The following SPESP1 variants were observed in gnomAD, a reference collection of about 807,000 sequenced individuals.
SPESP1 encodes the protein sperm equatorial segment protein 1, also known as equatorial segment protein.
In SPESP1, 1 loss-of-function variant was observed where a neutral mutation model predicts 3.1. The ratio of observed to expected loss-of-function variants is 0.33; its 90% confidence interval spans 0.12 to 1.54. SPESP1 has a LOEUF of 1.54. SPESP1 is among the 40% of genes most tolerant of loss of function. The probability of loss-of-function intolerance (pLI) is 0.38; values close to 1 mark genes in which losing one functional copy is unlikely to be tolerated. For missense variants in SPESP1, 398 were observed against 410.1 expected (o/e 0.97, Z 0.26); for synonymous variants, 138 against 150.7 (o/e 0.92, Z 0.62).
chr15:68,944,100 A>G (rs1335262635), intron 1 of SPESP1, among the ~76,000 whole-genome samples: 1 of 152,166 alleles, frequency 6.6e-6, no homozygotes, highest in Non-Finnish European at 1.5e-5. Flanking sequence ...ACTTCCCTGA[A>G]TTAAATCAAT....
At chr15:68,937,673 A>T (rs1207030203) in intron 1 of SPESP1, among the ~76,000 whole-genome samples, 1 of 151,984 alleles carries the variant, frequency 6.6e-6, no homozygotes, top group African/African-American at 2.4e-5. Context: ...GGTATAGGGG[A>T]TATGGGAAAT....
At chr15:68,931,605 C>T (rs567569689) in intron 1 of SPESP1, among the ~76,000 whole-genome samples, 2 of 152,290 alleles carry the variant, frequency 1.3e-5, no homozygotes, top group Admixed American at 6.5e-5. Context: ...AGCATGCTTG[C>T]GCACACGGCA....
At chr15:68,932,243 T>C (rs1895562732) in intron 1 of SPESP1, among the ~76,000 whole-genome samples, 1 of 152,174 alleles carries the variant, frequency 6.6e-6, no homozygotes, top group African/African-American at 2.4e-5. Context: ...GACTAACATA[T>C]ATGGAGACTT....
chr15:68,939,096 G>C (rs1315602570), intron 1 of SPESP1, among the ~76,000 whole-genome samples: 1 of 152,070 alleles, frequency 6.6e-6, no homozygotes, highest in African/African-American at 2.4e-5. Context: ...GCAACCTCAG[G>C]CTCACCTTCA....
intron 1 of SPESP1, among the ~76,000 whole-genome samples, chr15:68,931,151 A>G (rs138671509): frequency 0.011 from 1,656 of 151,952 alleles, 32 homozygotes; most frequent in African/African-American, 0.038. Flanking sequence ...GGTTTGTTAC[A>G]TATGTATCCA....
At chr15:68,938,567 AT>A (rs1309775276) in intron 1 of SPESP1, among the ~76,000 whole-genome samples, 1 of 152,188 alleles carries the variant, frequency 6.6e-6, no homozygotes, top group Non-Finnish European at 1.5e-5. Flanking sequence ...AGTTTAAAAT[AT>A]TTTGGTCCAG....
chr15:68,941,168 C>A (rs1284825755), intron 1 of SPESP1, among the ~76,000 whole-genome samples: 1 of 151,736 alleles, frequency 6.6e-6, no homozygotes, highest in Non-Finnish European at 1.5e-5. Flanking sequence ...TTTCTAACTC[C>A]AGAAAAAAAT....
intron 1 of SPESP1, among the ~76,000 whole-genome samples, chr15:68,944,803 G>A (rs974154272): frequency 6.6e-6 from 1 of 152,170 alleles, no homozygotes; most frequent in African/African-American, 2.4e-5. Flanking sequence ...ACAGTTGAGT[G>A]GATATGAGTC....
Position 68,946,578 on chromosome 15 carries a change from AG to A in SPESP1, c.1045del (p.Val349PhefsTer5). 1 of 1,466,164 alleles carries A rather than the reference AG, an allele frequency of 6.8e-7. No homozygotes were observed. The highest frequency in any genetic ancestry group is 9.0e-7 in the Non-Finnish European group (1 of 1,113,496). The allele number at this position is 1,466,164 out of a possible 1,614,324, so 90.8% of individuals were successfully genotyped here. A position where few individuals can be genotyped will look rare whatever the true frequency, so the allele number is the denominator to read the frequency against. ...CAAGGAGAGTCACAGCCTTATTAAA[AG>A]TTTATTAAACAATAATATAAAAATT... ...RSRRVTALLK[V>X]Y On this transcript the variant is annotated frameshift_variant, in exon 2 of 2. Coordinates refer to ENST00000310673, the MANE Select transcript of SPESP1 (RefSeq NM_145658.4). LOFTEE classifies it high-confidence loss of function.
chr15:68,943,675 G>A (rs1221877499), intron 1 of SPESP1, among the ~76,000 whole-genome samples: 3 of 151,972 alleles, frequency 2.0e-5, no homozygotes, highest in Non-Finnish European at 4.4e-5. Context: ...CTTTTCTGAT[G>A]GCTGTTCTGT....
chr15:68,943,632 T>G (rs1001425043), intron 1 of SPESP1, among the ~76,000 whole-genome samples: 2 of 152,176 alleles, frequency 1.3e-5, no homozygotes, highest in African/African-American at 4.8e-5. Context: ...CCCCTGATTT[T>G]ACAGTTTTTG....
At chr15:68,935,195 A>C (rs913971338) in intron 1 of SPESP1, among the ~76,000 whole-genome samples, 1 of 152,178 alleles carries the variant, frequency 6.6e-6, no homozygotes, top group African/African-American at 2.4e-5. Context: ...TACTCATAGG[A>C]TGCATCTTGA....
chr15:68,932,951 GTCTC>G (rs1895588055), intron 1 of SPESP1, among the ~76,000 whole-genome samples: 1 of 152,146 alleles, frequency 6.6e-6, no homozygotes, highest in Admixed American at 6.5e-5. Context: ...CTCTGTATCT[GTCTC>G]TCTACTTTTT....
intron 1 of SPESP1, among the ~76,000 whole-genome samples, chr15:68,944,039 G>A (rs1194516164): frequency 6.6e-6 from 1 of 152,094 alleles, no homozygotes; most frequent in African/African-American, 2.4e-5. Context: ...TAGCCTGCAG[G>A]GGGATGGTTC....
rs1426607850 is a variant in SPESP1 at position 68,945,736 on chromosome 15, G to A, written c.202G>A (p.Ala68Thr). Residue 68 changes from alanine to threonine, a missense_variant, in exon 2 of 2, where the codon GCA (alanine) becomes ACA (threonine). Physicochemically the swap from Ala to Thr is moderately conservative, Grantham distance 58. Coordinates refer to ENST00000310673, the MANE Select transcript of SPESP1 (RefSeq NM_145658.4). Reference sequence around the variant, plus strand: ...CTCTCCAAAACATGTTTATTCTATAGCATCAAAGGGATCAAAATTTAAGGA... The same window carrying A: ...CTCTCCAAAACATGTTTATTCTATAACATCAAAGGGATCAAAATTTAAGGA... ...SNSPKHVYSIASKGSKFKELV... is the reference protein window; with the variant it reads ...SNSPKHVYSITSKGSKFKELV... 6.2e-7 allele frequency: 1 copy of A among 1,613,906 alleles called. No homozygotes were observed. Among genetic ancestry groups the A allele is most frequent in the Non-Finnish European group, 8.5e-7 (1 of 1,180,002 alleles).
rs1373046741 is a variant in SPESP1 at position 68,946,434 on chromosome 15, T to C, written c.900T>C (p.Ile300=). Residue 300 remains isoleucine, a synonymous_variant, in exon 2 of 2, where the codon ATT becomes ATC. Transcript: ENST00000310673. ...SNKIDDIETV[I]NMLCNSRSKL... ...AAATTGATGACATCGAAACTGTTAT[T>C]AACATGCTGTGTAATTCTAGATCTA... 3 of 1,613,968 alleles carry C rather than the reference T, an allele frequency of 1.9e-6. No individual in the cohort carries two copies.
Position 68,946,094 on chromosome 15 carries a change from G to A in SPESP1, c.560G>A (p.Ser187Asn), listed in dbSNP as rs2140430247. 1.2e-6 allele frequency: 2 copies of A among 1,614,150 alleles called. No homozygotes were observed. The highest frequency in any genetic ancestry group is 1.7e-5 in the Admixed American group (1 of 60,020). ...YKSPVTTLDKSTGIGISTESE... is the reference protein window; with the variant it reads ...YKSPVTTLDKNTGIGISTESE... Reference sequence around the variant, plus strand: ...TCACCTGTCACCACTTTAGATAAGAGCACTGGCATTGGGATCTCTACAGAA... The same window carrying A: ...TCACCTGTCACCACTTTAGATAAGAACACTGGCATTGGGATCTCTACAGAA... The change falls in exon 2 of 2, where the codon AGC (serine) becomes AAC (asparagine). Residue 187 changes from serine (S) to asparagine (N), a missense_variant. By Grantham distance (46) the Ser-to-Asn change is conservative. Transcript: ENST00000310673.
chr15:68,933,080 G>A (rs1250312504), intron 1 of SPESP1, among the ~76,000 whole-genome samples: 1 of 152,126 alleles, frequency 6.6e-6, no homozygotes, highest in Non-Finnish European at 1.5e-5. Context: ...AATTGTTGGC[G>A]AGATGCAAAA....
At position 68,945,966 on chromosome 15, in the gene SPESP1, G is replaced by A; in HGVS notation, c.432G>A (p.Glu144=). 2.5e-6 allele frequency: 4 copies of A among 1,612,400 alleles called. No homozygotes were observed. Among genetic ancestry groups the A allele is most frequent in the Non-Finnish European group, 3.4e-6 (4 of 1,179,790 alleles). ...AGGAACCTTATATTGAAAATGAAGA[G>A]CCAGAGCCAGAGCCGGAGCCAGCTG... ...HAEEPYIENE[E]PEPEPEPAAK... is the part of the protein sequence containing the mutation. The change falls in exon 2 of 2, where the codon GAG becomes GAA. Residue 144 remains glutamate, a synonymous_variant. Transcript: ENST00000310673.
Sources: allele counts gnomAD v4.1 joint callset (sites outside exome capture counted in the v4.1 genomes callset), GRCh38; gene constraint gnomAD v4.1.1; transcripts MANE v1.5; gene names NCBI Gene and HGNC (gene_info 2026-07-23, HGNC 2026-07-21).